OR6C1: variants seen among roughly 807,000 people sequenced by gnomAD.
The protein encoded by OR6C1 is olfactory receptor family 6 subfamily C member 1.
For synonymous variants in OR6C1, 157 were observed against 133.3 expected (o/e 1.18, Z -1.22); for missense variants, 386 against 366.1 (o/e 1.05, Z -0.44).
chr12:55,321,428 A>G lies in OR6C1; in HGVS notation c.829A>G (p.Thr277Ala), dbSNP rs1178504327. 1.2e-6 allele frequency: 2 copies of G among 1,613,694 alleles called. No homozygotes were observed. The highest frequency in any genetic ancestry group is 2.2e-5 in the East Asian group (1 of 44,868). Reference protein sequence around the residue: ...SLSKGVAILNTSVAPMMNPFI... With the variant: ...SLSKGVAILNASVAPMMNPFI... ...GAGCAAGGGAGTGGCAATACTAAACACCTCAGTAGCCCCCATGATGAACCC... is the reference window on the plus strand; with the variant it reads ...GAGCAAGGGAGTGGCAATACTAAACGCCTCAGTAGCCCCCATGATGAACCC... Residue 277 changes from threonine to alanine, a missense_variant, in exon 2 of 2, where the codon ACC becomes GCC. By Grantham distance (58) the Thr-to-Ala change is moderately conservative. Coordinates refer to ENST00000642104, the MANE Select transcript of OR6C1 (RefSeq NM_001005182.2).
chr12:55,321,529 A>G lies in OR6C1; in HGVS notation c.930A>G (p.Thr310=), dbSNP rs1186269427. Residue 310 remains threonine (T), a synonymous_variant, in exon 2 of 2, where the codon ACA becomes ACG. Coordinates refer to ENST00000642104, the MANE Select transcript of OR6C1 (RefSeq NM_001005182.2). ...TGGCAAGGAAGACTGTATTTTTCAC[A>G]AGCACATGAAATGGTATGGTGTGAT... ...INMARKTVFF[T]ST 1 of 1,606,618 alleles carries G rather than the reference A, an allele frequency of 6.2e-7. No individual in the cohort carries two copies.
chr12:55,315,086 A>G (rs962343702), intron 1 of OR6C1, among the ~76,000 whole-genome samples: 2 of 151,682 alleles, frequency 1.3e-5, no homozygotes, highest in Non-Finnish European at 3.0e-5. Flanking sequence ...GGAAAAATAA[A>G]TAATAAACTA....
At chr12:55,318,187 T>C (rs1592261975) in intron 1 of OR6C1, among the ~76,000 whole-genome samples, 1 of 150,608 alleles carries the variant, frequency 6.6e-6, no homozygotes, top group African/African-American at 2.4e-5. Flanking sequence ...GCTATGAACA[T>C]CACAGTGATC....
At chr12:55,316,159 G>T (rs1410258748) in intron 1 of OR6C1, among the ~76,000 whole-genome samples, 3 of 149,130 alleles carry the variant, frequency 2.0e-5, no homozygotes, top group Non-Finnish European at 4.5e-5. Flanking sequence ...AATAGAGCCA[G>T]TCAGTCCCTT....
intron 1 of OR6C1, among the ~76,000 whole-genome samples, chr12:55,315,914 G>A (rs1304938590): frequency 1.3e-5 from 2 of 151,176 alleles, no homozygotes; most frequent in Non-Finnish European, 3.0e-5. Flanking sequence ...AAAACACAGA[G>A]TTATATGAGC....
intron 1 of OR6C1, among the ~76,000 whole-genome samples, chr12:55,314,879 A>G (rs1868385224): frequency 6.6e-6 from 1 of 151,572 alleles, no homozygotes. Flanking sequence ...ATTATACTTA[A>G]TGTTTGCCTA....
rs1234413650 is a variant in OR6C1 at position 55,321,168 on chromosome 12, C to T, written c.569C>T (p.Thr190Ile). The T allele has an allele frequency of 6.2e-7, 1 of 1,613,934 alleles. No individual in the cohort carries two copies. Among genetic ancestry groups the T allele is most frequent in the South Asian group, 1.1e-5 (1 of 91,070 alleles). ...CTGCTGCAACTTGCTTGTTCAGACA[C>T]AAAATTCTTAGAGGTGATGGGATTT... is the stretch of plus-strand genomic sequence containing the variant. ...FPLLQLACSD[T>I]KFLEVMGFSC... Residue 190 changes from threonine (T) to isoleucine (I), a missense_variant, in exon 2 of 2, where the codon ACA becomes ATA. Transcript: ENST00000642104.
At position 55,321,782 on chromosome 12, in the gene OR6C1, T is replaced by C; in HGVS notation, c.*244T>C. On this transcript the variant is annotated 3_prime_UTR_variant, in exon 2 of 2. Transcript: ENST00000642104. ...AGCTCTTCAAGAATATTTTGAAAAC[T>C]AAAATTATTCTTCAGTTTACTTCAA... 1 of 330,822 alleles carries C rather than the reference T, an allele frequency of 3.0e-6. No homozygotes were observed. Among genetic ancestry groups the C allele is most frequent in the Non-Finnish European group, 5.5e-6 (1 of 183,070 alleles). 20.5% of individuals were successfully genotyped at this position (330,822 alleles called of 1,614,324 possible). A position where few individuals can be genotyped will look rare whatever the true frequency, so the allele number is the denominator to read the frequency against.
At chr12:55,320,159 G>C (rs1241437602) in intron 1 of OR6C1, among the ~76,000 whole-genome samples, 1 of 151,878 alleles carries the variant, frequency 6.6e-6, no homozygotes, top group Non-Finnish European at 1.5e-5. Context: ...ACAACCTCAA[G>C]TATCTTCTCC....
In OR6C1 at chr12:55,316,133, C is replaced by A. The variant is rs571290218; in HGVS notation, c.-34+1534C>A. 3.6e-3 allele frequency among the ~76,000 whole-genome samples: 501 copies of A among 140,148 alleles called. 4 individuals are homozygous for A. The highest frequency in any genetic ancestry group is 0.021 in the Middle Eastern group (6 of 288). 91.9% of individuals were successfully genotyped at this position (140,148 alleles called of 152,430 possible). A position where few individuals can be genotyped will look rare whatever the true frequency, so the allele number is the denominator to read the frequency against. ...CACACACACACACACACACACACCC[C>A]CCGAGAGAATAATAAAATAGAGCCA... On this transcript the variant is annotated intron_variant, in intron 1 of 1. Transcript: ENST00000642104.
At chr12:55,315,477 G>A (rs1215060995) in intron 1 of OR6C1, among the ~76,000 whole-genome samples, 4 of 151,648 alleles carry the variant, frequency 2.6e-5, no homozygotes, top group Non-Finnish European at 5.9e-5. Flanking sequence ...ACAGAAATGA[G>A]TGTTACTATT....
intron 1 of OR6C1, among the ~76,000 whole-genome samples, chr12:55,316,097 A>G (rs922118692): frequency 2.4e-5 from 2 of 81,840 alleles, no homozygotes; most frequent in Non-Finnish European, 4.9e-5. Flanking sequence ...AAAAGTACAT[A>G]CACACACACA....
intron 1 of OR6C1, among the ~76,000 whole-genome samples, chr12:55,315,585 C>T (rs933363064): frequency 2.6e-4 from 40 of 151,430 alleles, no homozygotes; most frequent in African/African-American, 9.0e-4. Context: ...CCATCATTAT[C>T]GAAAGGAAGA....
chr12:55,315,371 TAA>T (rs1241511366), intron 1 of OR6C1, among the ~76,000 whole-genome samples: 5 of 151,762 alleles, frequency 3.3e-5, no homozygotes, highest in African/African-American at 1.2e-4. Flanking sequence ...AGTTTTCTGT[TAA>T]TTTATGTCCT....
Position 55,321,430 on chromosome 12 carries a change from C to G in OR6C1, c.831C>G (p.Thr277=), listed in dbSNP as rs1868556115. Residue 277 remains threonine (T), a synonymous_variant, in exon 2 of 2, where the codon ACC becomes ACG. Transcript: ENST00000642104. ...GCAAGGGAGTGGCAATACTAAACAC[C>G]TCAGTAGCCCCCATGATGAACCCCT... ...SLSKGVAILN[T]SVAPMMNPFI... 1 of 1,613,636 alleles carries G rather than the reference C, an allele frequency of 6.2e-7. No individual in the cohort carries two copies.
At position 55,321,593 on chromosome 12, in the gene OR6C1, T is replaced by C. The variant is rs1868563893; in HGVS notation, c.*55T>C. ...AGGAAAGGACAATATGAATTTTCAGTAGCTTCTTCAATCAAAATGGCCTCC... is the reference window on the plus strand; with the variant it reads ...AGGAAAGGACAATATGAATTTTCAGCAGCTTCTTCAATCAAAATGGCCTCC... On this transcript the variant is annotated 3_prime_UTR_variant, in exon 2 of 2. Transcript: ENST00000642104. 3 of 1,241,636 alleles carry C rather than the reference T, an allele frequency of 2.4e-6. No homozygotes were observed. Among genetic ancestry groups the C allele is most frequent in the Admixed American group, 2.4e-5 (1 of 42,294 alleles). The allele number at this position is 1,241,636 out of a possible 1,614,324, so 76.9% of individuals were successfully genotyped here.
chr12:55,320,492 C>A (rs1029264050), intron 1 of OR6C1, 75 bp from the exon 2 acceptor site: 1 of 678,988 alleles, frequency 1.5e-6, no homozygotes, highest in African/African-American at 1.8e-5. Context: ...CTATGTCAAC[C>A]AAACTCCAGC....
At chr12:55,318,678 TAAAG>T (rs911443796) in intron 1 of OR6C1, among the ~76,000 whole-genome samples, 36 of 148,964 alleles carry the variant, frequency 2.4e-4, no homozygotes, top group African/African-American at 7.8e-4. Context: ...CACATATTTA[TAAAG>T]AATTTAGAAA....
chr12:55,315,145 A>G (rs913707192), intron 1 of OR6C1, among the ~76,000 whole-genome samples: 1 of 151,340 alleles, frequency 6.6e-6, no homozygotes, highest in African/African-American at 2.4e-5. Context: ...ACTTATTTAT[A>G]GTATTTCAAT....
Sources: allele counts gnomAD v4.1 joint callset (sites outside exome capture counted in the v4.1 genomes callset), GRCh38; gene constraint gnomAD v4.1.1; transcripts MANE v1.5; gene names NCBI Gene and HGNC (gene_info 2026-07-23, HGNC 2026-07-21).